Variants in CBFA2T3 observed in about 807,000 individuals in gnomAD.
CBFA2T3 encodes CBFA2/RUNX1 partner transcriptional co-repressor 3.
CBFA2T3 carries 31 observed loss-of-function variants against 58.6 expected under a neutral mutation model. The observed-to-expected ratio is 0.53, with a 90% CI of 0.40 to 0.71. CBFA2T3 has a LOEUF of 0.71. CBFA2T3 is among the 30% of genes least tolerant of loss of function. CBFA2T3 has a pLI of 0.00. For missense variants in CBFA2T3, 1,076 were observed against 963.1 expected (o/e 1.12, Z -1.55); for synonymous variants, 531 against 421.9 (o/e 1.26, Z -3.17).
In CBFA2T3 at chr16:88,976,688, G is replaced by A. The variant is rs771084473; in HGVS notation, c.120C>T (p.Ser40=). ...CGCCCTTCCTGGGACCCCGGGGTGC[G>A]GAGCAGCCGGCAGATGCCAGGAGGC... ...ESGLLASAGC[S]APRGPRKGGP... is the part of the protein sequence containing the mutation. The change falls in exon 1 of 12, where the codon TCC becomes TCT. Residue 40 remains serine (S), a synonymous_variant. Transcript: ENST00000268679. 1.0e-5 allele frequency: 16 copies of A among 1,562,048 alleles called. No individual in the cohort carries two copies. The highest frequency in any genetic ancestry group is 7.2e-5 in the East Asian group (3 of 41,834).
At chr16:88,916,723 C>T (rs1158103252) in intron 1 of CBFA2T3, among the ~76,000 whole-genome samples, 1 of 152,120 alleles carries the variant, frequency 6.6e-6, no homozygotes, top group Non-Finnish European at 1.5e-5. Flanking sequence ...TATGCCACAT[C>T]CTTGTTTTAT....
chr16:88,895,780 C>G (rs7195623), intron 3 of CBFA2T3, among the ~76,000 whole-genome samples: 2 of 152,018 alleles, frequency 1.3e-5, no homozygotes, highest in African/African-American at 4.8e-5. Context: ...GTGAGGAAGT[C>G]CAGACAGACA....
chr16:88,928,409 C>A (rs954943204), intron 1 of CBFA2T3, among the ~76,000 whole-genome samples: 4 of 152,232 alleles, frequency 2.6e-5, no homozygotes, highest in African/African-American at 9.6e-5. Context: ...TGTGGCCACA[C>A]GTCCAGCTGC....
chr16:88,890,125 G>A (rs888465326), intron 5 of CBFA2T3, among the ~76,000 whole-genome samples: 1 of 151,924 alleles, frequency 6.6e-6, no homozygotes, highest in East Asian at 1.9e-4. Flanking sequence ...ACGATGCCCC[G>A]CGTGAATCTA....
chr16:88,906,892 AG>A (rs1808495161), intron 1 of CBFA2T3, among the ~76,000 whole-genome samples: 1 of 152,218 alleles, frequency 6.6e-6, no homozygotes, highest in Non-Finnish European at 1.5e-5. Context: ...CCAGGCATCC[AG>A]CCCCACGCTG....
At position 88,876,419 on chromosome 16, in the gene CBFA2T3, C is replaced by A. The variant is rs139316161; in HGVS notation, c.*557G>T. 1.6e-3 allele frequency: 361 copies of A among 230,356 alleles called. 1 individual carries two copies. Among genetic ancestry groups the A allele is most frequent in the African/African-American group, 7.5e-3 (341 of 45,298 alleles). 14.3% of individuals were successfully genotyped at this position (230,356 alleles called of 1,614,324 possible). On this transcript the variant is annotated 3_prime_UTR_variant, in exon 12 of 12. Transcript: ENST00000268679. Reference sequence around the variant, plus strand: ...GGGTTCAGATCTCCAGCTATAAAATCGCAGTTTTCTTTCTCCCTTTTTAAT... The same window carrying A: ...GGGTTCAGATCTCCAGCTATAAAATAGCAGTTTTCTTTCTCCCTTTTTAAT...
In CBFA2T3 at chr16:88,901,796, G is replaced by A. The variant is rs534747934; in HGVS notation, c.152-140C>T. 48 of 684,440 alleles carry A rather than the reference G, an allele frequency of 7.0e-5. 2 individuals are homozygous for A. In the South Asian group the frequency reaches 8.5e-4, roughly 12 times the overall value. The allele number at this position is 684,440 out of a possible 1,614,324, so 42.4% of individuals were successfully genotyped here. ...CAGTCTGCCCCAGGTGTCCTGACAG[G>A]TGGCTGACGTCCCACGTGCAGGATC... On this transcript the variant is annotated intron_variant, in intron 1 of 11. Transcript: ENST00000268679.
At chr16:88,900,033 G>A (rs1029045021) in intron 2 of CBFA2T3, among the ~76,000 whole-genome samples, 2 of 152,236 alleles carry the variant, frequency 1.3e-5, no homozygotes, top group African/African-American at 4.8e-5. Context: ...GTGAGAAAAA[G>A]CCCAGCCAGC....
At chr16:88,909,332 C>T (rs932122693) in intron 1 of CBFA2T3, among the ~76,000 whole-genome samples, 1 of 152,232 alleles carries the variant, frequency 6.6e-6, no homozygotes, top group African/African-American at 2.4e-5. Context: ...GCTCAGGCTC[C>T]GGGCCCTGCA....
chr16:88,975,606 C>T (rs1017809077), intron 1 of CBFA2T3, among the ~76,000 whole-genome samples: 5 of 152,278 alleles, frequency 3.3e-5, no homozygotes, highest in Admixed American at 2.0e-4. Flanking sequence ...TTGAAGGTGG[C>T]TCTGAGTCAC....
intron 1 of CBFA2T3, among the ~76,000 whole-genome samples, chr16:88,956,469 G>A (rs1972223251): frequency 2.0e-5 from 3 of 152,262 alleles, no homozygotes; most frequent in Admixed American, 2.0e-4. Flanking sequence ...CCCGGAGGGT[G>A]GAGGGTAGAG....
intron 1 of CBFA2T3, among the ~76,000 whole-genome samples, chr16:88,967,249 A>T (rs939576189): frequency 2.7e-5 from 4 of 148,088 alleles, no homozygotes; most frequent in African/African-American, 1.0e-4. Flanking sequence ...CTCGGCCCCG[A>T]CACGAGGCAG....
At position 88,875,207 on chromosome 16, in the gene CBFA2T3, C is replaced by T. The variant is rs867379653; in HGVS notation, c.*1769G>A. ...CACACAGATGCCAAGCCACGGGCCA[C>T]GCCACACGCACAGATGCCAGGCTGC... On this transcript the variant is annotated 3_prime_UTR_variant, in exon 12 of 12. Coordinates refer to ENST00000268679, the MANE Select transcript of CBFA2T3 (RefSeq NM_005187.6). The T allele has an allele frequency of 6.4e-5, 15 of 234,848 alleles. No individual in the cohort carries two copies. The highest frequency in any genetic ancestry group is 1.1e-4 in the African/African-American group (5 of 45,276). 14.5% of individuals were successfully genotyped at this position (234,848 alleles called of 1,614,324 possible). A position where few individuals can be genotyped will look rare whatever the true frequency, so the allele number is the denominator to read the frequency against.
intron 9 of CBFA2T3, 36 bp downstream of exon 9, chr16:88,881,255 C>A (rs536310335): frequency 3.8e-6 from 6 of 1,571,218 alleles, no homozygotes; most frequent in East Asian, 4.5e-5. Flanking sequence ...CCAGAGCACC[C>A]CGTGTCTGCT....
intron 1 of CBFA2T3, among the ~76,000 whole-genome samples, chr16:88,975,433 C>A (rs904449044): frequency 6.6e-6 from 1 of 152,238 alleles, no homozygotes; most frequent in African/African-American, 2.4e-5. Flanking sequence ...CCGGTGAGAA[C>A]CTGCTCTCAC....
chr16:88,947,603 A>G (rs1426554784), intron 1 of CBFA2T3, among the ~76,000 whole-genome samples: 2 of 152,234 alleles, frequency 1.3e-5, no homozygotes, highest in Non-Finnish European at 2.9e-5. Flanking sequence ...TGTATTACAC[A>G]TTTTGAGAAC....
At chr16:88,942,858 G>T (rs139956715) in intron 1 of CBFA2T3, among the ~76,000 whole-genome samples, 37 of 150,152 alleles carry the variant, frequency 2.5e-4, no homozygotes, top group African/African-American at 8.3e-4. Context: ...CAGACTGTGC[G>T]TAACATGGTG....
At position 88,934,618 on chromosome 16, in the gene CBFA2T3, G is replaced by A. The variant is rs118062346; in HGVS notation, c.152-32962C>T. On this transcript the variant is annotated intron_variant, in intron 1 of 11. Transcript: ENST00000268679. The stretch of plus-strand genomic sequence containing the variant: ...CGGAGGCCCAGAGGAGCGGAGAGGA[G>A]TCTGGCCTCGCTGCCTGCCTATTCT... 2.4e-4 allele frequency among the ~76,000 whole-genome samples: 37 copies of A among 152,390 alleles called. 1 individual carries two copies. The East Asian group carries it at 6.9e-3, about 29-fold the overall frequency.
At chr16:88,947,843 G>C (rs891974697) in intron 1 of CBFA2T3, among the ~76,000 whole-genome samples, 1 of 152,214 alleles carries the variant, frequency 6.6e-6, no homozygotes. Flanking sequence ...GAGCCCAAGA[G>C]GTTAAGGCTG....
Sources: gnomAD v4.1 joint callset for allele counts (sites outside exome capture counted in the v4.1 genomes callset) on GRCh38, gnomAD v4.1.1 for gene constraint, MANE v1.5 for transcripts, NCBI Gene and HGNC (gene_info 2026-07-23, HGNC 2026-07-21) for gene names.